Variants in ANKRD36C observed in about 807,000 individuals in gnomAD.
ANKRD36C encodes ankyrin repeat domain 36C.
In ANKRD36C, 61 loss-of-function variants were observed where a neutral mutation model predicts 276.4. The observed-to-expected ratio is 0.22, with a 90% confidence interval of 0.18 to 0.27. The LOEUF (loss-of-function observed/expected upper bound fraction) is 0.27, where lower values mean the gene tolerates loss of function less well. Ranked by LOEUF, ANKRD36C falls within the 10% of genes least tolerant of loss-of-function variation. The pLI, the probability that ANKRD36C is intolerant of heterozygous loss-of-function variation, is 1.00. For synonymous variants in ANKRD36C, 483 were observed against 680.1 expected (o/e 0.71, Z 4.51); for missense variants, 1,447 against 2,032.3 (o/e 0.71, Z 5.54).
At chr2:95,969,976 G>A (rs1678667236) in intron 6 of ANKRD36C, among the ~76,000 whole-genome samples, 1 of 151,868 alleles carries the variant, frequency 6.6e-6, no homozygotes, top group Admixed American at 6.6e-5. Flanking sequence ...ATGTTTTCAG[G>A]CATTCACTAA....
At chr2:95,963,972 AATATATATATATAT>A (rs1160108122) in intron 6 of ANKRD36C, among the ~76,000 whole-genome samples, 25 of 48,996 alleles carry the variant, frequency 5.1e-4, no homozygotes, top group South Asian at 3.1e-3. Context: ...TATATATATA[AATATATATATATAT>A]ATATATATAT....
chr2:95,937,690 A>G (rs1343488529), intron 22 of ANKRD36C, among the ~76,000 whole-genome samples: 6 of 151,878 alleles, frequency 4.0e-5, no homozygotes, highest in Non-Finnish European at 5.9e-5. Flanking sequence ...TTCCAATGTC[A>G]TTCTCTGAAA....
intron 44 of ANKRD36C, 86 bp downstream of exon 60, chr2:95,897,184 A>G (rs1676576680): frequency 8.7e-7 from 1 of 1,149,136 alleles, no homozygotes. Context: ...GTGCAGCTTC[A>G]ACGAGCCCCC....
chr2:95,961,854 A>G (rs1385371341), intron 8 of ANKRD36C, among the ~76,000 whole-genome samples: 1 of 152,050 alleles, frequency 6.6e-6, no homozygotes, highest in Non-Finnish European at 1.5e-5. Flanking sequence ...CCAAAATTAC[A>G]TAAATAACAT....
chr2:95,868,440 A>C (rs1375768709), intron 59 of ANKRD36C, among the ~76,000 whole-genome samples: 3 of 151,942 alleles, frequency 2.0e-5, no homozygotes, highest in Admixed American at 6.5e-5. Context: ...CTCACAACCT[A>C]TTTGTCTTCT....
At chr2:95,957,947 T>C (rs551199994) in intron 12 of ANKRD36C, among the ~76,000 whole-genome samples, 18 of 152,106 alleles carry the variant, frequency 1.2e-4, no homozygotes, top group Non-Finnish European at 2.5e-4. Context: ...AACAGGTGAC[T>C]GTGGTTCATC....
intron 44 of ANKRD36C, among the ~76,000 whole-genome samples, chr2:95,896,594 T>G (rs1676558705): frequency 6.8e-6 from 1 of 147,546 alleles, no homozygotes; most frequent in African/African-American, 2.5e-5. Context: ...GTATCTCTGA[T>G]GCCTCCTAGT....
At chr2:95,990,338 G>T (rs1213419086) in intron 1 of ANKRD36C, among the ~76,000 whole-genome samples, 1 of 152,076 alleles carries the variant, frequency 6.6e-6, no homozygotes, top group Non-Finnish European at 1.5e-5. Flanking sequence ...TGCAGTTTTC[G>T]CCATTACTTG....
At chr2:95,963,977 AT>A (rs1678523589) in intron 6 of ANKRD36C, among the ~76,000 whole-genome samples, 1 of 9,906 alleles carries the variant, frequency 1.0e-4, no homozygotes, top group Non-Finnish European at 1.6e-4. Flanking sequence ...ATATAAATAT[AT>A]ATATATATAT....
intron 32 of ANKRD36C, among the ~76,000 whole-genome samples, chr2:95,922,266 T>A (rs1677292617): frequency 1.3e-5 from 2 of 151,612 alleles, no homozygotes; most frequent in Non-Finnish European, 3.0e-5. Context: ...AAGGTACACA[T>A]TTACAGTGAC....
rs565201772 is a variant in ANKRD36C at position 95,894,201 on chromosome 2, A to C, written c.2756-2341T>G. On this transcript the variant is annotated intron_variant, in intron 44 of 66. Transcript: ENST00000456556. Reference sequence around the variant, plus strand: ...AGGCACACAATTGCAATGATACTTCAGTTAAACTTACACTTCACATCTCTT... The same window carrying C: ...AGGCACACAATTGCAATGATACTTCCGTTAAACTTACACTTCACATCTCTT... 6 of 199,940 alleles carry C rather than the reference A, an allele frequency of 3.0e-5. No individual in the cohort carries two copies. In the East Asian group the frequency reaches 8.1e-4, roughly 27 times the overall value. The allele number at this position is 199,940 out of a possible 1,614,324, so 12.4% of individuals were successfully genotyped here.
At chr2:95,911,823 G>A (rs1180114160) in intron 42 of ANKRD36C, among the ~76,000 whole-genome samples, 1 of 151,308 alleles carries the variant, frequency 6.6e-6, no homozygotes, top group Non-Finnish European at 1.5e-5. Flanking sequence ...TACATCAGGG[G>A]TCTCCTCAGT....
At chr2:95,916,043 C>A in exon 38 of ANKRD36C, 1 of 1,582,294 alleles carries the variant, frequency 6.3e-7, no homozygotes. Context: ...TCTTTCTCAT[C>A]ACTTGTAGCC....
Position 95,882,269 on chromosome 2 carries a change from G to T in ANKRD36C, c.3367+33C>A, listed in dbSNP as rs1289609470. 6 of 1,547,734 alleles carry T rather than the reference G, an allele frequency of 3.9e-6. No individual in the cohort carries two copies. In the South Asian group the frequency reaches 4.8e-5, roughly 12 times the overall value. On this transcript the variant is annotated intron_variant, in intron 56 of 66. Transcript: ENST00000456556. Reference sequence around the variant, plus strand: ...TGGGACATTGTCTTCTATCTTGAGTGCACATGACATTAAATGTATATTGCT... The same window carrying T: ...TGGGACATTGTCTTCTATCTTGAGTTCACATGACATTAAATGTATATTGCT...
intron 34 of ANKRD36C, among the ~76,000 whole-genome samples, chr2:95,919,409 C>T (rs1230040126): frequency 7.5e-6 from 1 of 133,230 alleles, no homozygotes; most frequent in Non-Finnish European, 1.7e-5. Context: ...CTTTCTCCTT[C>T]CACCCTTAGT....
chr2:95,938,195 A>C (rs1413239260), intron 22 of ANKRD36C, among the ~76,000 whole-genome samples: 2 of 152,294 alleles, frequency 1.3e-5, no homozygotes, highest in Non-Finnish European at 2.9e-5. Flanking sequence ...AAAGTAAAAA[A>C]CATTAATTCA....
At position 95,946,156 on chromosome 2, in the gene ANKRD36C, G is replaced by GAAAAAAAAAAA. The variant is rs56964568; in HGVS notation, c.1363-993_1363-983dup. Among the ~76,000 whole-genome samples the GAAAAAAAAAAA allele has an allele frequency of 1.1e-3, 81 of 73,288 alleles. 1 individual carries two copies. The highest frequency in any genetic ancestry group is 1.4e-3 in the Admixed American group (8 of 5,718). 48.1% of individuals were successfully genotyped at this position (73,288 alleles called of 152,430 possible). ...AACAGAGAGAGAGAGACAGAGAGAG[G>GAAAAAAAAAAA]AAAAAAAAAAAAAAAAAAAAAACAA... On this transcript the variant is annotated intron_variant, in intron 17 of 66. Transcript: ENST00000456556.
At chr2:95,943,926 AG>A (rs1677965663) in intron 19 of ANKRD36C, among the ~76,000 whole-genome samples, 1 of 152,198 alleles carries the variant, frequency 6.6e-6, no homozygotes, top group Non-Finnish European at 1.5e-5. Context: ...AGGGTAACAG[AG>A]ATACACATTA....
chr2:95,894,830 T>C (rs1423438521), intron 44 of ANKRD36C, among the ~76,000 whole-genome samples: 1 of 151,240 alleles, frequency 6.6e-6, no homozygotes, highest in East Asian at 2.0e-4. Flanking sequence ...AAATCAAATA[T>C]TGTTTATGGA....
Sources: allele counts gnomAD v4.1 joint callset (sites outside exome capture counted in the v4.1 genomes callset), GRCh38; gene constraint gnomAD v4.1.1; transcripts MANE v1.5; gene names NCBI Gene and HGNC (gene_info 2026-07-23, HGNC 2026-07-21).